The following ZSWIM4 variants were observed in gnomAD, a reference collection of about 807,000 sequenced individuals.
ZSWIM4 encodes the protein zinc finger SWIM domain-containing protein 4.
ZSWIM4 carries 62 observed loss-of-function variants against 102.5 expected under a neutral mutation model. That is an observed-to-expected ratio of 0.60 (90% CI 0.49 to 0.75). The LOEUF (loss-of-function observed/expected upper bound fraction) is 0.75. ZSWIM4 is among the 30% of genes least tolerant of loss of function. The pLI, the probability that ZSWIM4 is intolerant of heterozygous loss-of-function variation, is 0.00. For synonymous variants in ZSWIM4, 652 were observed against 674.5 expected, an observed-to-expected ratio of 0.97 and a Z score of 0.52; for missense variants, 1,280 against 1,529.6, an observed-to-expected ratio of 0.84 and a Z score of 2.72.
intron 12 of ZSWIM4, among the ~76,000 whole-genome samples, chr19:13,826,835 C>A (rs1207705862): frequency 6.6e-6 from 1 of 151,776 alleles, no homozygotes; most frequent in Admixed American, 6.6e-5. Flanking sequence ...AGGGGCTGAA[C>A]AAAGGGTGGT....
At chr19:13,811,554 G>A (rs1444514867) in intron 5 of ZSWIM4, among the ~76,000 whole-genome samples, 1 of 151,946 alleles carries the variant, frequency 6.6e-6, no homozygotes, top group Non-Finnish European at 1.5e-5. Context: ...AAGGCGCTTG[G>A]CACAGTGGCA....
intron 5 of ZSWIM4, among the ~76,000 whole-genome samples, chr19:13,811,872 C>T (rs759867220): frequency 2.0e-5 from 3 of 151,968 alleles, no homozygotes; most frequent in Admixed American, 6.6e-5. Flanking sequence ...GTCAGGAGAT[C>T]GAGACCAGCT....
Position 13,832,230 on chromosome 19 carries a change from C to CAAAAAAAAAAAAA in ZSWIM4, c.*1192_*1204dup, listed in dbSNP as rs34724629. The CAAAAAAAAAAAAA allele has an allele frequency of 1.4e-4, 8 of 55,266 alleles. No homozygotes were observed. Among genetic ancestry groups the CAAAAAAAAAAAAA allele is most frequent in the African/African-American group, 5.8e-4 (8 of 13,706 alleles). The allele number at this position is 55,266 out of a possible 1,614,324, so 3.4% of individuals were successfully genotyped here. ...CACACCCTCAACCTCGTTTCCTCCGCAAAAAAAAAAAAAAAAAAAAAAAAT... is the reference window on the plus strand; with the variant it reads ...CACACCCTCAACCTCGTTTCCTCCGCAAAAAAAAAAAAAAAAAAAAAAAAAAAAAAAAAAAAAT... On this transcript the variant is annotated 3_prime_UTR_variant, in exon 14 of 14. Transcript: ENST00000590508.
At chr19:13,827,418 C>T (rs926853394) in intron 12 of ZSWIM4, among the ~76,000 whole-genome samples, 2 of 151,622 alleles carry the variant, frequency 1.3e-5, no homozygotes, top group Non-Finnish European at 2.9e-5. Context: ...CTGGCCAACA[C>T]AGCAAAAACC....
At chr19:13,820,189 G>A (rs1371915646) in intron 10 of ZSWIM4, among the ~76,000 whole-genome samples, 1 of 151,984 alleles carries the variant, frequency 6.6e-6, no homozygotes, top group Non-Finnish European at 1.5e-5. Context: ...AAGCCACCTC[G>A]CACAGCCGTG....
intron 10 of ZSWIM4, among the ~76,000 whole-genome samples, 195 bp from the exon 11 acceptor site, chr19:13,823,151 C>T (rs954364093): frequency 1.4e-4 from 21 of 152,278 alleles, no homozygotes; most frequent in Non-Finnish European, 3.1e-4. Flanking sequence ...GAGACCCTGT[C>T]TCTAAAATAA....
intron 12 of ZSWIM4, among the ~76,000 whole-genome samples, chr19:13,828,422 C>A (rs1417165870): frequency 6.6e-6 from 1 of 151,842 alleles, no homozygotes; most frequent in Non-Finnish European, 1.5e-5. Context: ...AAAAACAAAA[C>A]AAAACAACAA....
In ZSWIM4 at chr19:13,825,044, CT is replaced by C. The variant is rs74181840; in HGVS notation, c.2216-492del. ...AGGATCCCTAGGTGGCTTTTCTTTT[CT>C]TTTTTTTTTTTTTGAGATGGATATT... On this transcript the variant is annotated intron_variant, in intron 11 of 13. Coordinates refer to ENST00000590508, the MANE Select transcript of ZSWIM4 (RefSeq NM_001367834.3). The surrounding 1 kb of genome is among the most constrained non-coding windows in gnomAD (Gnocchi z 4.6). 8.1e-3 allele frequency among the ~76,000 whole-genome samples: 865 copies of C among 106,542 alleles called. 5 individuals are homozygous for C. The highest frequency in any genetic ancestry group is 0.027 in the African/African-American group (707 of 25,912). The allele number at this position is 106,542 out of a possible 152,430, so 69.9% of individuals were successfully genotyped here.
In ZSWIM4 at chr19:13,831,347, T is replaced by A. The variant is rs1975763054; in HGVS notation, c.*297T>A. ...CCCAAAAGCAATAGGCAAACTCCCC[T>A]TACCCAGACTGGCTTGGGCTCCAGG... is the stretch of plus-strand genomic sequence containing the variant. On this transcript the variant is annotated 3_prime_UTR_variant, in exon 14 of 14. Coordinates refer to ENST00000590508, the MANE Select transcript of ZSWIM4 (RefSeq NM_001367834.3). 1 of 330,610 alleles carries A rather than the reference T, an allele frequency of 3.0e-6. No individual in the cohort carries two copies. Among genetic ancestry groups the A allele is most frequent in the Non-Finnish European group, 5.5e-6 (1 of 180,560 alleles). The allele number at this position is 330,610 out of a possible 1,614,324, so 20.5% of individuals were successfully genotyped here. A position where few individuals can be genotyped will look rare whatever the true frequency, so the allele number is the denominator to read the frequency against.
intron 12 of ZSWIM4, among the ~76,000 whole-genome samples, chr19:13,828,022 C>G (rs1009424772): frequency 2.0e-5 from 3 of 152,170 alleles, no homozygotes; most frequent in African/African-American, 7.2e-5. Flanking sequence ...ACAGCAACAA[C>G]AGCAGTGATA....
intron 5 of ZSWIM4, among the ~76,000 whole-genome samples, chr19:13,812,254 G>A (rs111254065): frequency 0.018 from 2,753 of 152,108 alleles, 81 homozygotes; most frequent in African/African-American, 0.063. Context: ...ACCTTGAGAG[G>A]AGTCTGGAGG....
rs755882662 is a variant in ZSWIM4 at position 13,799,708 on chromosome 19, C to T, written c.154-12C>T. On this transcript the variant is annotated splice_polypyrimidine_tract_variant and intron_variant, in intron 1 of 13. Coordinates refer to ENST00000590508, the MANE Select transcript of ZSWIM4 (RefSeq NM_001367834.3). ...CAACCCCAGGCTCCTAACCCACTGG[C>T]CCTTCCTACAGGTGGAGGAGCGGTT... 3.1e-6 allele frequency: 5 copies of T among 1,613,636 alleles called. No homozygotes were observed. In the Admixed American group the frequency reaches 8.3e-5, roughly 27 times the overall value.
chr19:13,813,111 G>A lies in ZSWIM4; in HGVS notation c.1127G>A (p.Gly376Asp). 6.2e-7 allele frequency: 1 copy of A among 1,613,936 alleles called. No homozygotes were observed. The highest frequency in any genetic ancestry group is 1.3e-5 in the African/African-American group (1 of 75,046). ...CTCGACGTCTGCCCACTGGAAGAGG[G>A]CAACTACTCCTTCGACGGCCCCAGC... ...DKLDVCPLEE[G>D]NYSFDGPSLQ... Residue 376 changes from glycine to aspartate, a missense_variant, in exon 6 of 14, where the codon GGC (glycine) becomes GAC (aspartate). Gly to Asp is a moderately conservative substitution (Grantham distance 94). Coordinates refer to ENST00000590508, the MANE Select transcript of ZSWIM4 (RefSeq NM_001367834.3).
chr19:13,799,863 C>G lies in ZSWIM4; in HGVS notation c.297C>G (p.Pro99=), dbSNP rs1341914467. The part of the protein sequence containing the change: ...PPEGEHDARV[P]FTRGLHLLQS... Reference sequence around the variant, plus strand: ...AGGGCGAGCACGATGCCCGGGTGCCCTTTACCCGCGGGCTGCACCTGCTCC... The same window carrying G: ...AGGGCGAGCACGATGCCCGGGTGCCGTTTACCCGCGGGCTGCACCTGCTCC... The change falls in exon 2 of 14, where the codon CCC becomes CCG. Residue 99 remains proline (P), a synonymous_variant. Transcript: ENST00000590508. 6.2e-7 allele frequency: 1 copy of G among 1,613,388 alleles called. No homozygotes were observed. The highest frequency in any genetic ancestry group is 1.3e-5 in the African/African-American group (1 of 74,920).
chr19:13,809,062 C>T lies in ZSWIM4; in HGVS notation c.862-8C>T, dbSNP rs756677332. 9 of 1,611,146 alleles carry T rather than the reference C, an allele frequency of 5.6e-6. No homozygotes were observed. The highest frequency in any genetic ancestry group is 1.6e-4 in the Middle Eastern group (1 of 6,070). ...CAGCCCTTCCTCACCACCCTGTCCC[C>T]GGCACAGGTGCGGGAGATGCTGCGA... On this transcript the variant is annotated splice_polypyrimidine_tract_variant and splice_region_variant and intron_variant, in intron 4 of 13. Transcript: ENST00000590508. This position sits in a 1 kb window ranked among gnomAD's most constrained non-coding sequence, Gnocchi z 4.2.
chr19:13,824,593 G>A (rs757349478), intron 11 of ZSWIM4, among the ~76,000 whole-genome samples: 4 of 151,850 alleles, frequency 2.6e-5, no homozygotes, highest in East Asian at 1.9e-4. Flanking sequence ...TTAGCTGGGC[G>A]TGGTGACCGG....
At chr19:13,813,623 A>T (rs1047877941) in intron 6 of ZSWIM4, among the ~76,000 whole-genome samples, 18 of 151,938 alleles carry the variant, frequency 1.2e-4, no homozygotes, top group Non-Finnish European at 2.4e-4. Context: ...GGAAAAAAAA[A>T]TTTATAGCAA....
intron 2 of ZSWIM4, among the ~76,000 whole-genome samples, chr19:13,801,011 C>T (rs140080551): frequency 7.0e-4 from 107 of 152,008 alleles, no homozygotes; most frequent in African/African-American, 2.4e-3. Context: ...GGCATGGTGG[C>T]GGGTGCCTGT....
intron 5 of ZSWIM4, 150 bp from the exon 6 acceptor site, chr19:13,812,847 G>C (rs1029704661): frequency 2.7e-6 from 2 of 750,954 alleles, no homozygotes; most frequent in African/African-American, 3.5e-5. Flanking sequence ...CAGTTTGCTT[G>C]TCTGTAAGGT....
Sources: gnomAD v4.1 joint callset for allele counts (sites outside exome capture counted in the v4.1 genomes callset) on GRCh38, gnomAD v4.1.1 for gene constraint, Gnocchi (gnomAD v3.1) non-coding constraint, MANE v1.5 for transcripts, NCBI Gene and HGNC (gene_info 2026-07-23, HGNC 2026-07-21) for gene names.